Variants in LSAMP observed in about 807,000 individuals in gnomAD.
LSAMP encodes the protein limbic system associated membrane protein, also known as limbic system-associated membrane protein.
A neutral mutation model predicts 38.6 loss-of-function variants in LSAMP; 7 were observed. That is an observed-to-expected ratio of 0.18 (90% CI 0.10 to 0.34). The LOEUF (loss-of-function observed/expected upper bound fraction) is 0.34, where lower values mean the gene tolerates loss of function less well. LSAMP is among the 10% of genes least tolerant of loss of function. The pLI is 1.00. For synonymous variants in LSAMP, 154 were observed against 166.8 expected (o/e 0.92, Z 0.59); for missense variants, 313 against 420.0 (o/e 0.75, Z 2.23).
At chr3:116,280,536 A>G (rs2047114923) in intron 1 of LSAMP, among the ~76,000 whole-genome samples, 1 of 152,194 alleles carries the variant, frequency 6.6e-6, no homozygotes, top group African/African-American at 2.4e-5. Flanking sequence ...CAGTATTGGC[A>G]TCTATTTCTA....
At chr3:115,872,825 G>A (rs1407578511) in intron 3 of LSAMP, among the ~76,000 whole-genome samples, 1 of 152,110 alleles carries the variant, frequency 6.6e-6, no homozygotes, top group Non-Finnish European at 1.5e-5. Context: ...AGTGGGAAAG[G>A]AGAAGAGAAC....
intron 1 of LSAMP, among the ~76,000 whole-genome samples, chr3:116,254,971 C>T (rs1038500187): frequency 4.6e-5 from 7 of 152,146 alleles, no homozygotes; most frequent in Non-Finnish European, 7.4e-5. Flanking sequence ...TCACCAGTTA[C>T]TGAGATTGGA....
intron 3 of LSAMP, among the ~76,000 whole-genome samples, chr3:116,007,723 G>C (rs1940202562): frequency 6.6e-6 from 1 of 152,086 alleles, no homozygotes. Flanking sequence ...TTATTGCACA[G>C]GAAGAATCTC....
At chr3:116,062,467 G>T (rs925655515) in intron 2 of LSAMP, among the ~76,000 whole-genome samples, 4 of 152,090 alleles carry the variant, frequency 2.6e-5, no homozygotes, top group Admixed American at 2.6e-4. Context: ...GGTGAGCCGG[G>T]ATTGTGCCAC....
intron 1 of LSAMP, among the ~76,000 whole-genome samples, chr3:116,272,217 T>A (rs899131640): frequency 1.3e-5 from 2 of 152,122 alleles, no homozygotes; most frequent in African/African-American, 4.8e-5. Flanking sequence ...TGCCCAGTGA[T>A]GCATTTGTGT....
intron 3 of LSAMP, among the ~76,000 whole-genome samples, chr3:115,939,530 C>CTCTTTCTT (rs377683505): frequency 0.16 from 15,927 of 99,562 alleles, 1,675 homozygotes; most frequent in African/African-American, 0.19. Flanking sequence ...TGTTCTCTTT[C>CTCTTTCTT]TCTTTCTTTC....
At chr3:116,305,549 A>T (rs556797422) in intron 1 of LSAMP, among the ~76,000 whole-genome samples, 108 of 151,990 alleles carry the variant, frequency 7.1e-4, no homozygotes, top group African/African-American at 2.4e-3. Flanking sequence ...GCTTGCACGA[A>T]AAAAAAATAC....
At chr3:116,207,307 T>G (rs1428763378) in intron 1 of LSAMP, among the ~76,000 whole-genome samples, 2 of 152,206 alleles carry the variant, frequency 1.3e-5, no homozygotes, top group Non-Finnish European at 2.9e-5. Flanking sequence ...TCTCTGCACA[T>G]GAGTTGGGTT....
intron 3 of LSAMP, among the ~76,000 whole-genome samples, chr3:115,891,596 G>A (rs922459926): frequency 6.6e-6 from 1 of 151,928 alleles, no homozygotes; most frequent in African/African-American, 2.4e-5. Context: ...TTGTTATATG[G>A]CAGGGTTCAA....
At chr3:116,232,075 T>C (rs756519790) in intron 1 of LSAMP, among the ~76,000 whole-genome samples, 5 of 152,206 alleles carry the variant, frequency 3.3e-5, no homozygotes, top group Admixed American at 2.6e-4. Context: ...ACATGCACCA[T>C]CTTTCAAAGT....
chr3:116,248,733 C>T (rs1012961888), intron 1 of LSAMP, among the ~76,000 whole-genome samples: 5 of 152,038 alleles, frequency 3.3e-5, no homozygotes, highest in African/African-American at 9.7e-5. Context: ...ACTGAGGTTT[C>T]TTAAGCAAGA....
chr3:116,137,104 T>C (rs1419116606), intron 1 of LSAMP, among the ~76,000 whole-genome samples: 2 of 152,108 alleles, frequency 1.3e-5, no homozygotes, highest in Non-Finnish European at 2.9e-5. Context: ...GCATTCCAAT[T>C]GCTGCTGGAT....
chr3:115,914,523 T>C (rs1937204925), intron 3 of LSAMP, among the ~76,000 whole-genome samples: 1 of 152,220 alleles, frequency 6.6e-6, no homozygotes, highest in African/African-American at 2.4e-5. Flanking sequence ...TCTTGTTGCA[T>C]TCAGAGTTGA....
At chr3:115,999,052 G>A (rs768681377) in intron 3 of LSAMP, among the ~76,000 whole-genome samples, 3 of 152,034 alleles carry the variant, frequency 2.0e-5, no homozygotes, top group Admixed American at 2.0e-4. Flanking sequence ...GCTGCTCATG[G>A]GGCTGTCATC....
At chr3:115,880,155 C>A (rs1251330362) in intron 3 of LSAMP, among the ~76,000 whole-genome samples, 1 of 152,140 alleles carries the variant, frequency 6.6e-6, no homozygotes, top group Non-Finnish European at 1.5e-5. Flanking sequence ...GTGACCATTT[C>A]TGTGTCACTA....
chr3:115,876,436 G>A (rs1283123898), intron 3 of LSAMP, among the ~76,000 whole-genome samples: 1 of 151,956 alleles, frequency 6.6e-6, no homozygotes, highest in Admixed American at 6.6e-5. Context: ...AAATGAGTGT[G>A]TATTGGTAGT....
intron 1 of LSAMP, among the ~76,000 whole-genome samples, chr3:116,424,860 T>C (rs1361085566): frequency 2.0e-5 from 3 of 152,202 alleles, no homozygotes; most frequent in Non-Finnish European, 4.4e-5. Flanking sequence ...TCATTTATTC[T>C]GTATGCAGAA....
Position 116,366,954 on chromosome 3 carries a change from T to C in LSAMP, c.155+77923A>G, listed in dbSNP as rs117339121. The stretch of plus-strand genomic sequence containing the variant: ...TGGGTGGTAGGGAAGGGTGGATTTA[T>C]GTGATTTGCCAGACTTTAGGAGTAA... On this transcript the variant is annotated intron_variant, in intron 1 of 6. Coordinates refer to ENST00000490035, the MANE Select transcript of LSAMP (RefSeq NM_002338.5). 5.0e-4 allele frequency among the ~76,000 whole-genome samples: 76 copies of C among 152,344 alleles called. No individual in the cohort carries two copies. In the East Asian group the frequency reaches 0.014, roughly 28 times the overall value.
intron 3 of LSAMP, among the ~76,000 whole-genome samples, chr3:115,948,990 A>G (rs1304126432): frequency 2.0e-5 from 3 of 152,124 alleles, no homozygotes; most frequent in Non-Finnish European, 4.4e-5. Context: ...AAAATTAGCC[A>G]GGCATGATGG....
Sources: gnomAD v4.1 joint callset for allele counts (sites outside exome capture counted in the v4.1 genomes callset) on GRCh38, gnomAD v4.1.1 for gene constraint, MANE v1.5 for transcripts, NCBI Gene and HGNC (gene_info 2026-07-23, HGNC 2026-07-21) for gene names.